EDIL3: variants seen among roughly 807,000 people sequenced by gnomAD.
The protein encoded by EDIL3 is EGF-like repeat and discoidin I-like domain-containing protein 3.
EDIL3 carries 37 observed loss-of-function variants against 67.4 expected under a neutral mutation model. That is an observed-to-expected ratio of 0.55 (90% CI 0.42 to 0.72). The LOEUF is 0.72. Ranked by LOEUF, EDIL3 falls within the 30% of genes least tolerant of loss-of-function variation. EDIL3 has a pLI of 0.00. For missense variants in EDIL3, 527 were observed against 586.3 expected (o/e 0.90, Z 1.04); for synonymous variants, 195 against 196.3 (o/e 0.99, Z 0.05).
intron 5 of EDIL3, among the ~76,000 whole-genome samples, chr5:84,131,076 C>A (rs549130410): frequency 6.6e-6 from 1 of 150,782 alleles, no homozygotes; most frequent in Non-Finnish European, 1.5e-5. Flanking sequence ...CACATTATGA[C>A]AAAAGAAAAG....
intron 1 of EDIL3, among the ~76,000 whole-genome samples, chr5:84,305,771 C>G (rs1048487616): frequency 1.3e-5 from 2 of 151,910 alleles, no homozygotes; most frequent in Admixed American, 6.6e-5. Flanking sequence ...CCCAGCTACT[C>G]GGGAGGCTGA....
chr5:84,301,878 T>C (rs1178733622), intron 1 of EDIL3, among the ~76,000 whole-genome samples: 1 of 152,334 alleles, frequency 6.6e-6, no homozygotes, highest in East Asian at 1.9e-4. Flanking sequence ...CAGATGTTTA[T>C]ATTTTTGCGT....
At chr5:84,066,114 CAAAAA>C (rs1177616777) in intron 7 of EDIL3, among the ~76,000 whole-genome samples, 1 of 63,176 alleles carries the variant, frequency 1.6e-5, no homozygotes, top group Non-Finnish European at 3.7e-5. Context: ...GACTTTGTCT[CAAAAA>C]AAAAAAAAAA....
At chr5:84,253,938 T>C (rs1745078831) in intron 2 of EDIL3, 146 bp downstream of exon 2, 2 of 688,712 alleles carry the variant, frequency 2.9e-6, no homozygotes, top group Non-Finnish European at 4.2e-6. Flanking sequence ...CTGGAAATGA[T>C]ACAACTGAGA....
At chr5:84,139,835 G>A (rs887888418) in intron 4 of EDIL3, among the ~76,000 whole-genome samples, 1 of 152,166 alleles carries the variant, frequency 6.6e-6, no homozygotes, top group African/African-American at 2.4e-5. Flanking sequence ...TGATATAGAT[G>A]ACAGTCAATT....
At chr5:84,180,329 T>C in intron 4 of EDIL3, 64 bp downstream of exon 4, 1 of 1,475,074 alleles carries the variant, frequency 6.8e-7, no homozygotes, top group Non-Finnish European at 9.0e-7. Context: ...CAAACAAGAA[T>C]GATGATGGCT....
At position 83,941,226 on chromosome 5, in the gene EDIL3, G is replaced by A. The variant is rs961293986; in HGVS notation, c.*2193C>T. On this transcript the variant is annotated 3_prime_UTR_variant, in exon 11 of 11. Coordinates refer to ENST00000296591, the MANE Select transcript of EDIL3 (RefSeq NM_005711.5). The stretch of plus-strand genomic sequence containing the variant: ...GTGTCATGAGAACAATAGGTATCCC[G>A]TTGGACATGATGTATTGCGAAGAGC... The A allele has an allele frequency of 3.9e-5, 6 of 151,992 alleles. No homozygotes were observed. Among genetic ancestry groups the A allele is most frequent in the Non-Finnish European group, 5.9e-5 (4 of 67,906 alleles). 9.4% of individuals were successfully genotyped at this position (151,992 alleles called of 1,614,324 possible).
intron 2 of EDIL3, among the ~76,000 whole-genome samples, chr5:84,251,391 C>T (rs1480402826): frequency 6.6e-6 from 1 of 150,764 alleles, no homozygotes; most frequent in African/African-American, 2.4e-5. Flanking sequence ...GATTACCGAC[C>T]AGCGTGAGCC....
chr5:84,379,704 T>C (rs1561274239), intron 1 of EDIL3, among the ~76,000 whole-genome samples: 3 of 152,080 alleles, frequency 2.0e-5, no homozygotes, highest in African/African-American at 4.8e-5. Context: ...AGTGTGCACT[T>C]GAATGTCTGT....
intron 9 of EDIL3, among the ~76,000 whole-genome samples, chr5:83,963,770 G>A (rs1272951534): frequency 6.6e-6 from 1 of 150,792 alleles, no homozygotes; most frequent in East Asian, 1.9e-4. Context: ...GATTTTATTG[G>A]TCATTTCAAT....
intron 9 of EDIL3, among the ~76,000 whole-genome samples, chr5:84,043,836 A>G (rs1746174536): frequency 6.6e-6 from 1 of 152,214 alleles, no homozygotes; most frequent in African/African-American, 2.4e-5. Context: ...ATACAATTTA[A>G]TTATTACATG....
chr5:84,097,476 T>C (rs1747284485), intron 6 of EDIL3, among the ~76,000 whole-genome samples: 1 of 152,204 alleles, frequency 6.6e-6, no homozygotes, highest in African/African-American at 2.4e-5. Flanking sequence ...AAAAATAGGC[T>C]GTTTGGATAT....
At chr5:84,340,534 C>CTCTCTCTCTCTCTCTATATATA (rs1432966515) in intron 1 of EDIL3, among the ~76,000 whole-genome samples, 1 of 54,210 alleles carries the variant, frequency 1.8e-5, no homozygotes, top group Non-Finnish European at 3.6e-5. Context: ...CTCTCTCTCT[C>CTCTCTCTCTCTCTCTATATATA]TATATATATA....
At chr5:84,136,627 G>A (rs1002384668) in intron 5 of EDIL3, among the ~76,000 whole-genome samples, 3 of 152,190 alleles carry the variant, frequency 2.0e-5, no homozygotes, top group African/African-American at 7.2e-5. Flanking sequence ...TTGCTAGCGT[G>A]TGGGACGGCC....
intron 1 of EDIL3, among the ~76,000 whole-genome samples, chr5:84,371,335 A>ATATATATATATATAT (rs1747842332): frequency 6.9e-6 from 1 of 144,374 alleles, no homozygotes; most frequent in Admixed American, 7.0e-5. Context: ...ATATATATAT[A>ATATATATATATATAT]TATATATGTG....
chr5:84,057,079 T>C (rs893754604), intron 9 of EDIL3, among the ~76,000 whole-genome samples: 2 of 152,140 alleles, frequency 1.3e-5, no homozygotes, highest in African/African-American at 4.8e-5. Flanking sequence ...AAGGAAAAGA[T>C]GTCAATTTAC....
At chr5:84,155,693 A>G (rs1290892397) in intron 4 of EDIL3, among the ~76,000 whole-genome samples, 2 of 152,280 alleles carry the variant, frequency 1.3e-5, no homozygotes, top group East Asian at 1.9e-4. Context: ...AAGTTCTCCA[A>G]TCATATCTTT....
Position 83,947,745 on chromosome 5 carries a change from C to T in EDIL3, c.1294-4177G>A, listed in dbSNP as rs953344924. On this transcript the variant is annotated intron_variant, in intron 10 of 10. Transcript: ENST00000296591. ...AGAAGACTAAAATGTGTATCTCTCA[C>T]TTCAGTCTATTGAATCTAGTGCTTA... Among the ~76,000 whole-genome samples, 7 of 151,960 alleles carry T rather than the reference C, an allele frequency of 4.6e-5. No homozygotes were observed. The South Asian group carries it at 1.2e-3, about 27-fold the overall frequency.
At chr5:83,947,259 C>T (rs1434698730) in intron 10 of EDIL3, among the ~76,000 whole-genome samples, 1 of 151,486 alleles carries the variant, frequency 6.6e-6, no homozygotes, top group African/African-American at 2.4e-5. Flanking sequence ...TCAAGCATAC[C>T]ACTGGCCTTA....
Sources: gnomAD v4.1 joint callset for allele counts (sites outside exome capture counted in the v4.1 genomes callset) on GRCh38, gnomAD v4.1.1 for gene constraint, MANE v1.5 for transcripts, NCBI Gene and HGNC (gene_info 2026-07-23, HGNC 2026-07-21) for gene names.